Variants in EYS observed in about 807,000 individuals in gnomAD.
EYS encodes the protein protein eyes shut homolog.
In EYS, 250 loss-of-function variants were observed where a neutral mutation model predicts 282.1. The observed-to-expected ratio is 0.89, with a 90% CI of 0.80 to 0.98. EYS has a LOEUF of 0.98. Ranked by LOEUF, EYS falls within the 50% of genes least tolerant of loss-of-function variation. EYS has a pLI of 0.00. For synonymous variants in EYS, 1,355 were observed against 1,282.9 expected, an observed-to-expected ratio of 1.06 and a Z score of -1.20; for missense variants, 4,016 against 3,709.0, an observed-to-expected ratio of 1.08 and a Z score of -2.15.
intron 33 of EYS, among the ~76,000 whole-genome samples, chr6:64,037,859 A>G (rs1381305344): frequency 1.3e-5 from 2 of 152,174 alleles, no homozygotes; most frequent in African/African-American, 4.8e-5. Context: ...ATGATATTTT[A>G]TTAGTTCAGA....
intron 12 of EYS, among the ~76,000 whole-genome samples, chr6:65,065,651 G>A (rs749949253): frequency 2.6e-5 from 4 of 152,020 alleles, no homozygotes; most frequent in Admixed American, 1.3e-4. Context: ...CCAAAGTGCT[G>A]GGATTACAGG....
At position 65,310,770 on chromosome 6, in the gene EYS, T is replaced by C. The variant is rs1769135742; in HGVS notation, c.1767-14651A>G. On this transcript the variant is annotated intron_variant, in intron 11 of 42. Transcript: ENST00000503581. ...TCCACTGGCTGGTTTATCATTATCA[T>C]ATAAGCTCCATGTCTAACTCAAGTG... 3.3e-5 allele frequency among the ~76,000 whole-genome samples: 5 copies of C among 152,272 alleles called. No homozygotes were observed. In the South Asian group the frequency reaches 1.0e-3, roughly 32 times the overall value.
chr6:65,426,497 T>C (rs1425767234), intron 5 of EYS, among the ~76,000 whole-genome samples: 3 of 152,150 alleles, frequency 2.0e-5, no homozygotes, highest in East Asian at 1.9e-4. Context: ...GGCAATGTGG[T>C]AAAATGTCTG....
intron 26 of EYS, among the ~76,000 whole-genome samples, chr6:64,586,856 G>T (rs1562076851): frequency 6.6e-6 from 1 of 151,994 alleles, no homozygotes; most frequent in Non-Finnish European, 1.5e-5. Flanking sequence ...GGTTCATGAA[G>T]CTCTGATTGC....
chr6:64,242,880 CAT>C (rs1278089640), intron 30 of EYS, among the ~76,000 whole-genome samples: 1 of 144,892 alleles, frequency 6.9e-6, no homozygotes, highest in East Asian at 2.0e-4. Flanking sequence ...AATATATAAT[CAT>C]ATTAATAAAT....
intron 18 of EYS, among the ~76,000 whole-genome samples, chr6:64,891,282 G>C (rs933601831): frequency 1.3e-5 from 2 of 151,932 alleles, no homozygotes; most frequent in African/African-American, 4.8e-5. Flanking sequence ...AAATTTGTGC[G>C]AAAATAACAT....
chr6:64,734,888 G>A (rs1772131912), intron 22 of EYS, among the ~76,000 whole-genome samples: 1 of 151,958 alleles, frequency 6.6e-6, no homozygotes, highest in Non-Finnish European at 1.5e-5. Flanking sequence ...TATGATTTCA[G>A]AACAATAGGA....
intron 28 of EYS, among the ~76,000 whole-genome samples, chr6:64,427,906 A>T (rs1774457915): frequency 6.6e-6 from 1 of 152,152 alleles, no homozygotes; most frequent in Non-Finnish European, 1.5e-5. Context: ...AATAATGATT[A>T]TTCTAAATGT....
At chr6:65,178,039 C>A (rs943118929) in intron 12 of EYS, among the ~76,000 whole-genome samples, 12 of 151,800 alleles carry the variant, frequency 7.9e-5, no homozygotes, top group Non-Finnish European at 1.3e-4. Flanking sequence ...CAGAAACAGA[C>A]AAATGGGTAG....
chr6:64,337,386 T>C, intron 29 of EYS, among the ~76,000 whole-genome samples: 1 of 151,918 alleles, frequency 6.6e-6, no homozygotes, highest in Non-Finnish European at 1.5e-5. Context: ...CTAGAAGAGA[T>C]GAATAAATTC....
intron 22 of EYS, among the ~76,000 whole-genome samples, chr6:64,686,395 T>C (rs1770100049): frequency 6.6e-6 from 1 of 151,560 alleles, no homozygotes; most frequent in Non-Finnish European, 1.5e-5. Flanking sequence ...AAAAAGGAAA[T>C]AAAACAAACA....
intron 13 of EYS, among the ~76,000 whole-genome samples, chr6:65,006,632 C>T (rs1465790132): frequency 4.6e-5 from 7 of 151,854 alleles, no homozygotes; most frequent in Non-Finnish European, 8.8e-5. Context: ...AGCAGATTTC[C>T]TAATGGGGGA....
At position 64,800,487 on chromosome 6, in the gene EYS, T is replaced by C. The variant is rs73448453; in HGVS notation, c.3443+12891A>G. Reference sequence around the variant, plus strand: ...AAAAGAAAACATATGCAGTTTTTTTTCACATATTCAAATATCTCCACACCT... The same window carrying C: ...AAAAGAAAACATATGCAGTTTTTTTCCACATATTCAAATATCTCCACACCT... On this transcript the variant is annotated intron_variant, in intron 22 of 42. Coordinates refer to ENST00000503581, the MANE Select transcript of EYS (RefSeq NM_001142800.2). Among the ~76,000 whole-genome samples, 778 of 151,850 alleles carry C rather than the reference T, an allele frequency of 5.1e-3. 7 individuals are homozygous for C. Among genetic ancestry groups the C allele is most frequent in the African/African-American group, 0.017 (718 of 41,512 alleles).
At chr6:63,928,125 G>A (rs537242424) in intron 35 of EYS, among the ~76,000 whole-genome samples, 4 of 152,228 alleles carry the variant, frequency 2.6e-5, no homozygotes, top group East Asian at 1.9e-4. Flanking sequence ...AAGATCAATC[G>A]TGCTGACGTA....
At chr6:64,946,007 C>A in intron 14 of EYS, 93 bp from the exon 15 acceptor site, 2 of 995,760 alleles carry the variant, frequency 2.0e-6, no homozygotes, top group Non-Finnish European at 2.8e-6. Flanking sequence ...ATATCTCTGT[C>A]AATTTATAAT....
At chr6:65,269,359 G>A (rs1767838704) in intron 12 of EYS, among the ~76,000 whole-genome samples, 1 of 152,140 alleles carries the variant, frequency 6.6e-6, no homozygotes, top group Non-Finnish European at 1.5e-5. Context: ...ATTTAAAAGG[G>A]AGCAACCTGT....
Position 65,357,308 on chromosome 6 carries a change from T to C in EYS, c.1300-3691A>G, listed in dbSNP as rs556882098. 9.2e-5 allele frequency among the ~76,000 whole-genome samples: 14 copies of C among 152,112 alleles called. 1 individual carries two copies. The South Asian group carries it at 2.9e-3, about 32-fold the overall frequency. ...ACTGGTGTTGCTTTGATTTTAGTCTTAAAGTGTTTTTTGGCTTGCTATATG... is the reference window on the plus strand; with the variant it reads ...ACTGGTGTTGCTTTGATTTTAGTCTCAAAGTGTTTTTTGGCTTGCTATATG... On this transcript the variant is annotated intron_variant, in intron 8 of 42. Transcript: ENST00000503581.
intron 2 of EYS, among the ~76,000 whole-genome samples, chr6:65,543,495 A>G (rs981857109): frequency 6.7e-6 from 1 of 148,766 alleles, no homozygotes; most frequent in Non-Finnish European, 1.5e-5. Context: ...CTATATATAT[A>G]TAAAATTATA....
At chr6:65,611,261 G>C (rs1464796396) in intron 2 of EYS, among the ~76,000 whole-genome samples, 3 of 151,492 alleles carry the variant, frequency 2.0e-5, no homozygotes, top group African/African-American at 7.3e-5. Flanking sequence ...GAAGAACTGA[G>C]AGAATTCAAC....
Sources: allele counts gnomAD v4.1 joint callset (sites outside exome capture counted in the v4.1 genomes callset), GRCh38; gene constraint gnomAD v4.1.1; transcripts MANE v1.5; gene names NCBI Gene and HGNC (gene_info 2026-07-23, HGNC 2026-07-21).